Variants in TCTN1 observed in about 807,000 individuals in gnomAD.
The protein encoded by TCTN1 is tectonic family member 1.
TCTN1 carries 58 observed loss-of-function variants against 65.8 expected under a neutral mutation model. That is an observed-to-expected ratio of 0.88 (90% CI 0.71 to 1.10). The LOEUF (loss-of-function observed/expected upper bound fraction) is 1.10, where lower values mean the gene tolerates loss of function less well. TCTN1 is among the 50% of genes least tolerant of loss of function. The pLI is 0.00. For missense variants in TCTN1, 645 were observed against 719.4 expected (o/e 0.90, Z 1.18); for synonymous variants, 273 against 289.1 (o/e 0.94, Z 0.57).
intron 3 of TCTN1, among the ~76,000 whole-genome samples, chr12:110,626,792 C>T (rs1221765746): frequency 1.9e-5 from 2 of 103,618 alleles, no homozygotes; most frequent in South Asian, 3.3e-4. Context: ...TTTTTTGAGA[C>T]GGAGTTTCGC....
intron 14 of TCTN1, chr12:110,648,565 G>A (rs1412968908): frequency 2.5e-5 from 4 of 157,254 alleles, no homozygotes; most frequent in South Asian, 3.8e-4. Context: ...TTTTGGGTCC[G>A]GTTGAAATGA....
Position 110,644,911 on chromosome 12 carries a change from A to G in TCTN1, c.1332-56A>G, listed in dbSNP as rs2136170418. ...AAGGAAAGGAAGAAGAAAATGAAAA[A>G]CTGCTGGTGGATGAACAACAGCCTC... On this transcript the variant is annotated intron_variant, in intron 11 of 14. Coordinates refer to ENST00000397659, the MANE Select transcript of TCTN1 (RefSeq NM_001082538.3). This position sits in a 1 kb window ranked among gnomAD's most constrained non-coding sequence, Gnocchi z 4.6. 6.2e-7 allele frequency: 1 copy of G among 1,607,072 alleles called. No individual in the cohort carries two copies. Among genetic ancestry groups the G allele is most frequent in the Non-Finnish European group, 8.5e-7 (1 of 1,173,974 alleles).
rs1453788986 is a variant in TCTN1 at position 110,614,421 on chromosome 12, C to T, written c.220+19C>T. ...ACGGACGGTGGGTACCATGTGCCAG[C>T]TCCTGGAGTCCACAGTGATCCAACC... On this transcript the variant is annotated intron_variant, in intron 1 of 14. Coordinates refer to ENST00000397659, the MANE Select transcript of TCTN1 (RefSeq NM_001082538.3). 6.3e-7 allele frequency: 1 copy of T among 1,578,974 alleles called. No homozygotes were observed. The highest frequency in any genetic ancestry group is 2.3e-5 in the East Asian group (1 of 43,438).
intron 12 of TCTN1, 157 bp from the exon 13 acceptor site, chr12:110,647,039 C>T (rs2067364725): frequency 1.2e-6 from 1 of 825,708 alleles, no homozygotes; most frequent in Non-Finnish European, 1.9e-6. Context: ...TACTTTAAAA[C>T]ACGTATATTC....
In TCTN1 at chr12:110,649,413, GT is replaced by G; in HGVS notation, c.*374del. ...TTTGAGGGGAGCTGGTCCGGGTCTA[GT>G]TCACTTCACCAAGAAGTCCATGCTG... is the stretch of plus-strand genomic sequence containing the variant. On this transcript the variant is annotated 3_prime_UTR_variant, in exon 15 of 15. Transcript: ENST00000397659. The G allele has an allele frequency of 6.2e-7, 1 of 1,607,860 alleles. No homozygotes were observed.
At chr12:110,637,010 T>C (rs2066619897) in intron 7 of TCTN1, among the ~76,000 whole-genome samples, 1 of 152,196 alleles carries the variant, frequency 6.6e-6, no homozygotes, top group African/African-American at 2.4e-5. Context: ...GGTCAGGATG[T>C]CAGGGTCTCT....
Position 110,649,336 on chromosome 12 carries a change from G to A in TCTN1, c.*295G>A, listed in dbSNP as rs1015301752. ...AAACCTCTCACCAAGCGGCCCAGGA[G>A]GGGCAGCTGTTCCTCTCGTGACAGC... is the stretch of plus-strand genomic sequence containing the variant. On this transcript the variant is annotated 3_prime_UTR_variant, in exon 15 of 15. Transcript: ENST00000397659. The A allele has an allele frequency of 2.9e-5, 35 of 1,224,828 alleles. No individual in the cohort carries two copies. The Admixed American group carries it at 6.4e-4, about 22-fold the overall frequency. The allele number at this position is 1,224,828 out of a possible 1,614,324, so 75.9% of individuals were successfully genotyped here.
intron 4 of TCTN1, chr12:110,629,979 A>G (rs906887610): frequency 3.3e-5 from 5 of 152,198 alleles, no homozygotes; most frequent in Non-Finnish European, 7.3e-5. Flanking sequence ...TGGAACAGAA[A>G]ACCAAACATC....
rs1276686108 is a variant in TCTN1 at position 110,644,971 on chromosome 12, A to T, written c.1336A>T (p.Thr446Ser). Residue 446 changes from threonine to serine, a missense_variant, in exon 12 of 15, where the codon ACT becomes TCT. Coordinates refer to ENST00000397659, the MANE Select transcript of TCTN1 (RefSeq NM_001082538.3). The surrounding 1 kb of genome is among the most constrained non-coding windows in gnomAD (Gnocchi z 4.6). ...TMQSGCKLRLTGALPCQLVAQ... is the reference protein window; with the variant it reads ...TMQSGCKLRLSGALPCQLVAQ... ...ACTTCTTTTTCCTTCACCAAGACTG[A>T]CTGGAGCTCTCCCGTGTCAGCTCGT... 5 of 1,614,202 alleles carry T rather than the reference A, an allele frequency of 3.1e-6. No homozygotes were observed. The South Asian group carries it at 3.3e-5, about 11-fold the overall frequency.
chr12:110,614,582 C>T, intron 1 of TCTN1, 180 bp downstream of exon 1: 1 of 1,284,778 alleles, frequency 7.8e-7, no homozygotes, highest in Non-Finnish European at 1.1e-6. Flanking sequence ...CTGTTACTAT[C>T]ACTGTCAGGT....
chr12:110,641,488 C>A, intron 9 of TCTN1, 54 bp from the exon 10 acceptor site: 1 of 1,516,912 alleles, frequency 6.6e-7, no homozygotes, highest in Non-Finnish European at 9.2e-7. Context: ...TTCTTCCTGC[C>A]ATTTCCTTAT....
rs1161348436 is a variant in TCTN1 at position 110,634,748 on chromosome 12, T to C, written c.791T>C (p.Met264Thr). Residue 264 changes from methionine (M) to threonine (T), a missense_variant, in exon 6 of 15, where the codon ATG (methionine) becomes ACG (threonine). Transcript: ENST00000397659. ...TGTGAAGAAATTGAAGCCCTCAGCA[T>C]GGCTTTTTACAGCAGCCCGGAAATT... is the stretch of plus-strand genomic sequence containing the variant. ...EQCEEIEALS[M>T]AFYSSPEILR... 6.2e-7 allele frequency: 1 copy of C among 1,611,872 alleles called. No homozygotes were observed.
At chr12:110,628,284 C>A in intron 3 of TCTN1, 1 of 1,506,046 alleles carries the variant, frequency 6.6e-7, no homozygotes, top group Non-Finnish European at 8.9e-7. Context: ...GTCTGGAGGT[C>A]CTGTTTGTTT....
chr12:110,634,648 T>TG, intron 5 of TCTN1, 22 bp from the exon 6 acceptor site: 16 of 1,569,476 alleles, frequency 1.0e-5, no homozygotes, highest in Non-Finnish European at 1.3e-5. Context: ...TTTTTTTCCT[T>TG]GGGAATGTTA....
At chr12:110,628,310 A>T in intron 3 of TCTN1, 1 of 1,393,850 alleles carries the variant, frequency 7.2e-7, no homozygotes, top group Non-Finnish European at 9.6e-7. Flanking sequence ...GCTTTAAAAA[A>T]TCCTGGGAGA....
In TCTN1 at chr12:110,626,252, C is replaced by T. The variant is rs76929479; in HGVS notation, c.342-110C>T. The T allele has an allele frequency of 8.8e-3, 11,001 of 1,252,618 alleles. 48 individuals are homozygous for T. The highest frequency in any genetic ancestry group is 0.01 in the Non-Finnish European group (9,123 of 903,588). 77.6% of individuals were successfully genotyped at this position (1,252,618 alleles called of 1,614,324 possible). A position where few individuals can be genotyped will look rare whatever the true frequency, so the allele number is the denominator to read the frequency against. On this transcript the variant is annotated intron_variant, in intron 2 of 14. Transcript: ENST00000397659. ...GTCATGCTTTCATAAATATCCTCCA[C>T]GTAACTGTTAACATAGTACAGTACA...
Position 110,634,705 on chromosome 12 carries a change from A to C in TCTN1, c.748A>C (p.Lys250Gln). The part of the protein sequence containing the change: ...LVNQAVKCTR[K>Q]INLEQCEEIE... ...GAACCAGGCTGTTAAGTGCACCAGA[A>C]AAATAAATTTAGAACAGTGTGAAGA... The change falls in exon 6 of 15, where the codon AAA becomes CAA. Residue 250 changes from lysine to glutamine, a missense_variant. By Grantham distance (53) the Lys-to-Gln change is moderately conservative (BLOSUM62 1). Coordinates refer to ENST00000397659, the MANE Select transcript of TCTN1 (RefSeq NM_001082538.3). 6.2e-7 allele frequency: 1 copy of C among 1,612,234 alleles called. No individual in the cohort carries two copies. Among genetic ancestry groups the C allele is most frequent in the African/African-American group, 1.3e-5 (1 of 75,030 alleles).
At chr12:110,615,421 T>G (rs1358571403) in intron 1 of TCTN1, among the ~76,000 whole-genome samples, 1 of 152,174 alleles carries the variant, frequency 6.6e-6, no homozygotes, top group African/African-American at 2.4e-5. Context: ...TTTTTAAAAT[T>G]TTCCGATTGT....
rs767568176 is a variant in TCTN1, at chr12:110,628,884, C to T, written c.590C>T (p.Thr197Ile). 6.2e-7 allele frequency: 1 copy of T among 1,613,670 alleles called. No homozygotes were observed. Among genetic ancestry groups the T allele is most frequent in the Non-Finnish European group, 8.5e-7 (1 of 1,179,934 alleles). The change falls in exon 4 of 15, where the codon ACC becomes ATC. Residue 197 changes from threonine (T) to isoleucine (I), a missense_variant. By Grantham distance (89) the Thr-to-Ile change is moderately conservative. Coordinates refer to ENST00000397659, the MANE Select transcript of TCTN1 (RefSeq NM_001082538.3). Reference protein sequence around the residue: ...LNAESYVSFTTKLDIPTAAKY... With the variant: ...LNAESYVSFTIKLDIPTAAKY... ...GCTGAATCATATGTTTCCTTCACAA[C>T]CAAACTGGATATTCCTACTGCTGCT...
Sources: gnomAD v4.1 joint callset for allele counts (sites outside exome capture counted in the v4.1 genomes callset) on GRCh38, gnomAD v4.1.1 for gene constraint, Gnocchi (gnomAD v3.1) non-coding constraint, MANE v1.5 for transcripts, NCBI Gene and HGNC (gene_info 2026-07-23, HGNC 2026-07-21) for gene names.